The following AKT2 variants were observed in gnomAD, a reference collection of about 807,000 sequenced individuals.
The protein encoded by AKT2 is AKT serine/threonine kinase 2.
AKT2 carries 16 observed loss-of-function variants against 58.6 expected under a neutral mutation model. The observed-to-expected ratio is 0.27, with a 90% CI of 0.18 to 0.41. AKT2 has a LOEUF of 0.41. AKT2 is among the 10% of genes least tolerant of loss of function. AKT2 has a pLI of 1.00. For synonymous variants in AKT2, 253 were observed against 254.0 expected, an observed-to-expected ratio of 1.00 and a Z score of 0.04; for missense variants, 438 against 661.0, an observed-to-expected ratio of 0.66 and a Z score of 3.70.
chr19:40,253,426 A>C (rs1391611294), intron 4 of AKT2, among the ~76,000 whole-genome samples: 2 of 143,694 alleles, frequency 1.4e-5, no homozygotes, highest in African/African-American at 5.3e-5. Context: ...CTAATACATA[A>C]ATAAGAAAAA....
At chr19:40,274,542 C>T (rs907163683) in intron 1 of AKT2, 4 of 163,092 alleles carry the variant, frequency 2.5e-5, no homozygotes, top group African/African-American at 9.6e-5. Flanking sequence ...ATAGCCAAAG[C>T]TAACAAATGC....
chr19:40,258,006 G>T (rs1975663013), intron 2 of AKT2, among the ~76,000 whole-genome samples: 1 of 152,120 alleles, frequency 6.6e-6, no homozygotes, highest in Non-Finnish European at 1.5e-5. Flanking sequence ...CGGCACTTTG[G>T]GAGGCCGAGG....
rs775978643 is a variant in AKT2, at chr19:40,265,290, A to G, written c.-23T>C. ...CATGGTGGCAGCGTGGTACGCTGTC[A>G]CCTAGCTCGGGACAGCTCAGGGCAG... On this transcript the variant is annotated 5_prime_UTR_variant, in exon 2 of 14. The change abolishes the stop of an existing upstream ORF in the 5' untranslated region. Coordinates refer to ENST00000392038, the MANE Select transcript of AKT2 (RefSeq NM_001626.6). 5 of 1,611,052 alleles carry G rather than the reference A, an allele frequency of 3.1e-6. No homozygotes were observed. In the South Asian group the frequency reaches 5.5e-5, roughly 18 times the overall value.
chr19:40,280,135 G>A (rs1286984564), intron 1 of AKT2, among the ~76,000 whole-genome samples: 1 of 152,250 alleles, frequency 6.6e-6, no homozygotes, highest in African/African-American at 2.4e-5. Context: ...CAATTCCAGA[G>A]GAGCACTGGG....
At chr19:40,266,667 G>A (rs561711875) in intron 1 of AKT2, among the ~76,000 whole-genome samples, 34 of 152,292 alleles carry the variant, frequency 2.2e-4, no homozygotes, top group African/African-American at 6.5e-4. Context: ...CATCTCGGCC[G>A]GGCACAATGG....
In AKT2 at chr19:40,273,343, A is replaced by G. The variant is rs902069568; in HGVS notation, c.-84-7992T>C. The stretch of plus-strand genomic sequence containing the variant: ...GGGACAGAGCAAGACTCCATCTCAA[A>G]AAAAAAAAAAAAATTATTATTTCCT... On this transcript the variant is annotated intron_variant, in intron 1 of 13. Transcript: ENST00000392038. 2.6e-5 allele frequency: 4 copies of G among 151,518 alleles called. No individual in the cohort carries two copies. The South Asian group carries it at 8.3e-4, about 32-fold the overall frequency. The allele number at this position is 151,518 out of a possible 1,614,324, so 9.4% of individuals were successfully genotyped here.
intron 1 of AKT2, chr19:40,268,776 G>C (rs1568564988): frequency 6.6e-6 from 1 of 152,422 alleles, no homozygotes; most frequent in East Asian, 1.9e-4. Context: ...TGCCTCAGCT[G>C]AGGTGTCCGT....
chr19:40,232,233 G>C lies in AKT2; in HGVS notation c.*1639C>G, dbSNP rs1973739028. The C allele has an allele frequency of 4.3e-6, 1 of 233,684 alleles. No individual in the cohort carries two copies. The highest frequency in any genetic ancestry group is 8.5e-6 in the Non-Finnish European group (1 of 118,216). 14.5% of individuals were successfully genotyped at this position (233,684 alleles called of 1,614,324 possible). A position where few individuals can be genotyped will look rare whatever the true frequency, so the allele number is the denominator to read the frequency against. On this transcript the variant is annotated 3_prime_UTR_variant, in exon 14 of 14. Coordinates refer to ENST00000392038, the MANE Select transcript of AKT2 (RefSeq NM_001626.6). ...AGCTCAGTGCCCTCCTTGCTGAAGGGAACGGCTAGTACAGGAGGAGCTGGG... is the reference window on the plus strand; with the variant it reads ...AGCTCAGTGCCCTCCTTGCTGAAGGCAACGGCTAGTACAGGAGGAGCTGGG...
intron 1 of AKT2, among the ~76,000 whole-genome samples, chr19:40,275,640 T>C (rs1028172154): frequency 6.6e-6 from 1 of 152,074 alleles, no homozygotes; most frequent in Non-Finnish European, 1.5e-5. Context: ...GTTTGAATGA[T>C]GGCTAGTGCA....
At chr19:40,275,042 C>A (rs1249482536) in intron 1 of AKT2, 4 of 456,532 alleles carry the variant, frequency 8.8e-6, no homozygotes, top group Admixed American at 4.7e-5. Context: ...CACTTGAGAA[C>A]CATGAGGACC....
Position 40,233,176 on chromosome 19 carries a change from C to A in AKT2, c.*696G>T. 4.1e-6 allele frequency: 1 copy of A among 246,848 alleles called. No individual in the cohort carries two copies. The highest frequency in any genetic ancestry group is 7.9e-6 in the Non-Finnish European group (1 of 126,722). 15.3% of individuals were successfully genotyped at this position (246,848 alleles called of 1,614,324 possible). ...GCCCCAAATGTTCCTCCTGCCTCAT[C>A]CATAGGGTGAGGACAGTTTGGTGGG... is the stretch of plus-strand genomic sequence containing the variant. On this transcript the variant is annotated 3_prime_UTR_variant, in exon 14 of 14. Transcript: ENST00000392038. This position sits in a 1 kb window ranked among gnomAD's most constrained non-coding sequence, Gnocchi z 4.3.
intron 6 of AKT2, 109 bp from the exon 7 acceptor site, chr19:40,240,219 A>G: frequency 8.7e-7 from 1 of 1,145,392 alleles, no homozygotes; most frequent in Non-Finnish European, 1.3e-6. Context: ...TCCCAGCCAT[A>G]AATGCAGAAA....
intron 1 of AKT2, chr19:40,283,203 C>T (rs1374110879): frequency 6.6e-6 from 1 of 152,416 alleles, no homozygotes; most frequent in Admixed American, 6.5e-5. Context: ...GAGAGCATAA[C>T]AACAGCGCCT....
At chr19:40,276,889 G>A (rs2077336412) in intron 1 of AKT2, among the ~76,000 whole-genome samples, 1 of 152,110 alleles carries the variant, frequency 6.6e-6, no homozygotes, top group Admixed American at 6.5e-5. Context: ...CAGGTATGAT[G>A]GTGCATGCCT....
intron 1 of AKT2, among the ~76,000 whole-genome samples, chr19:40,270,170 C>T (rs1976607759): frequency 6.6e-6 from 1 of 152,228 alleles, no homozygotes; most frequent in African/African-American, 2.4e-5. Flanking sequence ...AAAGCATGCC[C>T]ACCCTACCTC....
chr19:40,238,214 C>T lies in AKT2; in HGVS notation c.709-123G>A, dbSNP rs1204892306. 9 of 1,315,336 alleles carry T rather than the reference C, an allele frequency of 6.8e-6. No homozygotes were observed. The highest frequency in any genetic ancestry group is 8.4e-6 in the Non-Finnish European group (8 of 952,170). The allele number at this position is 1,315,336 out of a possible 1,614,324, so 81.5% of individuals were successfully genotyped here. On this transcript the variant is annotated intron_variant, in intron 8 of 13. Coordinates refer to ENST00000392038, the MANE Select transcript of AKT2 (RefSeq NM_001626.6). The surrounding 1 kb of genome is among the most constrained non-coding windows in gnomAD (Gnocchi z 5.1). Reference sequence around the variant, plus strand: ...ACCTGTATCATGAACCAGCAAGTGACAGCTAGAGGGACCAATCAAGGCAGA... The same window carrying T: ...ACCTGTATCATGAACCAGCAAGTGATAGCTAGAGGGACCAATCAAGGCAGA...
rs528488515 is a variant in AKT2 at position 40,239,978 on chromosome 19, G to C, written c.639+67C>G. On this transcript the variant is annotated intron_variant, in intron 7 of 13. Coordinates refer to ENST00000392038, the MANE Select transcript of AKT2 (RefSeq NM_001626.6). ...GACTGTGCTTTGTACCAGAAGATTAGGGCTCTCTCTCTGAGCTCTGTCCAA... is the reference window on the plus strand; with the variant it reads ...GACTGTGCTTTGTACCAGAAGATTACGGCTCTCTCTCTGAGCTCTGTCCAA... 577 of 1,556,808 alleles carry C rather than the reference G, an allele frequency of 3.7e-4. 1 individual carries two copies. In the African/African-American group the frequency reaches 6.7e-3, roughly 18 times the overall value.
intron 1 of AKT2, chr19:40,269,280 T>A (rs1976563876): frequency 6.6e-6 from 1 of 152,300 alleles, no homozygotes; most frequent in Admixed American, 6.5e-5. Flanking sequence ...ATGAGTCTTC[T>A]GAGTGCCTGG....
rs1254803241 is a variant in AKT2, at chr19:40,234,421, A to C, written c.1367-470T>G. On this transcript the variant is annotated intron_variant, in intron 13 of 13. Coordinates refer to ENST00000392038, the MANE Select transcript of AKT2 (RefSeq NM_001626.6). The surrounding 1 kb of genome is among the most constrained non-coding windows in gnomAD (Gnocchi z 4.7). ...CTCCCAGTGGCCCCCAGACCCTTGC[A>C]CTCCAGCCCCATGCCCTCTCTTCTC... The C allele has an allele frequency of 5.5e-5, 12 of 216,978 alleles. No homozygotes were observed. The highest frequency in any genetic ancestry group is 9.1e-5 in the Non-Finnish European group (10 of 109,998). 13.4% of individuals were successfully genotyped at this position (216,978 alleles called of 1,614,324 possible).
Sources: gnomAD v4.1 joint callset for allele counts (sites outside exome capture counted in the v4.1 genomes callset) on GRCh38, gnomAD v4.1.1 for gene constraint, Gnocchi (gnomAD v3.1) non-coding constraint, MANE v1.5 for transcripts, NCBI Gene and HGNC (gene_info 2026-07-23, HGNC 2026-07-21) for gene names.